The following CA5B variants were observed in gnomAD, a reference collection of about 807,000 sequenced individuals.
CA5B encodes the protein carbonic anhydrase 5B.
CA5B carries 15 observed loss-of-function variants against 23.1 expected under a neutral mutation model. That is an observed-to-expected ratio of 0.65 (90% CI 0.43 to 1.00). The LOEUF (loss-of-function observed/expected upper bound fraction) is 1.00. Among genes scored for constraint, CA5B ranks in the 50% least tolerant of loss-of-function variants. The probability of loss-of-function intolerance (pLI) is 0.00; values close to 1 mark genes in which losing one functional copy is unlikely to be tolerated. For synonymous variants in CA5B, 84 were observed against 98.5 expected, an observed-to-expected ratio of 0.85 and a Z score of 0.87; for missense variants, 236 against 252.2, an observed-to-expected ratio of 0.94 and a Z score of 0.43.
intron 3 of CA5B, chrX:15,766,919 C>T (rs1484039514): frequency 3.0e-6 from 1 of 332,063 alleles, no homozygotes; most frequent in Admixed American, 3.1e-5. Context: ...TAGAGTGTGC[C>T]CCCTTCTCAA....
At chrX:15,755,790 A>C (rs762419442) in intron 2 of CA5B, among the ~76,000 whole-genome samples, 13 of 112,614 alleles carry the variant, frequency 1.2e-4, no homozygotes, top group Non-Finnish European at 1.3e-4. Context: ...TAAAATAAAA[A>C]TATGAGTAAT....
chrX:15,749,946 CCCT>C, intron 1 of CA5B, 22 bp from the exon 2 acceptor site: 2 of 1,106,620 alleles, frequency 1.8e-6, no homozygotes, highest in South Asian at 4.1e-5. Flanking sequence ...TTACAGCTTT[CCCT>C]CCTCTGCCCT....
At position 15,780,277 on chromosome X, in the gene CA5B, A is replaced by AT. The variant is rs34933895; in HGVS notation, c.775-2193dup. On this transcript the variant is annotated intron_variant, in intron 7 of 7. Transcript: ENST00000318636. ...CTTTTCACTCAGTGATGCCTGGAAC[A>AT]TTTTTTTTTTTTTTTAAGACGGTCT... is the stretch of plus-strand genomic sequence containing the variant. 3.1e-4 allele frequency among the ~76,000 whole-genome samples: 31 copies of AT among 100,117 alleles called. 1 individual carries two copies. In the South Asian group the frequency reaches 3.2e-3, roughly 10 times the overall value. 86.9% of individuals were successfully genotyped at this position (100,117 alleles called of 115,157 possible). A position where few individuals can be genotyped will look rare whatever the true frequency, so the allele number is the denominator to read the frequency against.
chrX:15,767,535 G>A lies in CA5B; in HGVS notation c.340+2760G>A, dbSNP rs763007733. On this transcript the variant is annotated intron_variant, in intron 3 of 7. Coordinates refer to ENST00000318636, the MANE Select transcript of CA5B (RefSeq NM_007220.4). ...TCCCACCTCAGCCTCCCGAGTAGCTGGGACCACAGGCATGTGCCACCACGC... is the reference window on the plus strand; with the variant it reads ...TCCCACCTCAGCCTCCCGAGTAGCTAGGACCACAGGCATGTGCCACCACGC... Among the ~76,000 whole-genome samples, 439 of 109,793 alleles carry A rather than the reference G, an allele frequency of 4.0e-3. 4 individuals are homozygous for A. Among genetic ancestry groups the A allele is most frequent in the African/African-American group, 0.014 (426 of 30,063 alleles).
chrX:15,741,413 A>C (rs1011492404), intron 1 of CA5B, among the ~76,000 whole-genome samples: 10 of 103,822 alleles, frequency 9.6e-5, no homozygotes, highest in Admixed American at 3.1e-4. Context: ...ATCCCATTTG[A>C]TTAGAGGTAT....
At chrX:15,752,139 A>G (rs1217997660) in intron 2 of CA5B, among the ~76,000 whole-genome samples, 1 of 111,215 alleles carries the variant, frequency 9.0e-6, no homozygotes, top group Non-Finnish European at 1.9e-5. Flanking sequence ...CACGCAAGAC[A>G]TAAATCAATA....
chrX:15,742,930 A>T (rs1931151767), intron 1 of CA5B, among the ~76,000 whole-genome samples: 1 of 112,288 alleles, frequency 8.9e-6, no homozygotes. Flanking sequence ...CCTACAATGC[A>T]CACAGCATTC....
At chrX:15,765,954 C>T (rs1304279068) in intron 3 of CA5B, among the ~76,000 whole-genome samples, 1 of 109,030 alleles carries the variant, frequency 9.2e-6, no homozygotes, top group Non-Finnish European at 1.9e-5. Context: ...CTTAGGAGTT[C>T]GAGATCACCC....
intron 1 of CA5B, among the ~76,000 whole-genome samples, chrX:15,746,149 G>A (rs1447725895): frequency 1.0e-5 from 1 of 99,567 alleles, no homozygotes; most frequent in Non-Finnish European, 2.0e-5. Flanking sequence ...GGGTTCAAGC[G>A]ATTCTCTTGC....
chrX:15,743,796 CAAATATT>C (rs1011999795), intron 1 of CA5B, among the ~76,000 whole-genome samples: 23 of 111,678 alleles, frequency 2.1e-4, no homozygotes, highest in Non-Finnish European at 1.7e-4. Flanking sequence ...AGTGCATTGA[CAAATATT>C]AATAGCAGAC....
chrX:15,777,924 C>T (rs1931960660), intron 7 of CA5B, among the ~76,000 whole-genome samples: 1 of 111,230 alleles, frequency 9.0e-6, no homozygotes, highest in Non-Finnish European at 1.9e-5. Flanking sequence ...CTGGAAGTAG[C>T]CAGTACAGTT....
In CA5B at chrX:15,784,979, T is replaced by A. The variant is rs1424034275; in HGVS notation, c.*2315T>A. On this transcript the variant is annotated 3_prime_UTR_variant, in exon 8 of 8. Transcript: ENST00000318636. ...TTGCCAATTATTAGGGAAATGCAAATCAAAACCACAATGAGATATCGTCTC... is the reference window on the plus strand; with the variant it reads ...TTGCCAATTATTAGGGAAATGCAAAACAAAACCACAATGAGATATCGTCTC... 1 of 111,727 alleles carries A rather than the reference T, an allele frequency of 9.0e-6. No individual in the cohort carries two copies. The highest frequency in any genetic ancestry group is 1.9e-5 in the Non-Finnish European group (1 of 53,134). 9.2% of individuals were successfully genotyped at this position (111,727 alleles called of 1,213,427 possible). A position where few individuals can be genotyped will look rare whatever the true frequency, so the allele number is the denominator to read the frequency against.
chrX:15,747,827 C>T (rs894364319), intron 1 of CA5B, among the ~76,000 whole-genome samples: 2 of 111,137 alleles, frequency 1.8e-5, no homozygotes, highest in Non-Finnish European at 3.8e-5. Flanking sequence ...CGGTGTCTCA[C>T]ACGGAGAAGA....
chrX:15,755,629 A>G (rs1931473169), intron 2 of CA5B, among the ~76,000 whole-genome samples: 1 of 112,451 alleles, frequency 8.9e-6, no homozygotes, highest in African/African-American at 3.2e-5. Context: ...TATGAGCCGT[A>G]TGGGTCATTC....
At chrX:15,742,681 A>G (rs1165663255) in intron 1 of CA5B, among the ~76,000 whole-genome samples, 1 of 112,790 alleles carries the variant, frequency 8.9e-6, no homozygotes, top group Non-Finnish European at 1.9e-5. Context: ...GCCCAGCCTG[A>G]GTGATCTTTT....
chrX:15,776,263 C>T (rs182341505), intron 6 of CA5B: 2,641 of 99,231 alleles, frequency 0.027, 37 homozygotes, highest in Non-Finnish European at 0.037. Context: ...GGCGTGAACC[C>T]GGGAGGCGGA....
chrX:15,749,334 G>A (rs748865001), intron 1 of CA5B, among the ~76,000 whole-genome samples: 1 of 111,681 alleles, frequency 9.0e-6, no homozygotes, highest in Non-Finnish European at 1.9e-5. Flanking sequence ...CCATGTGAAA[G>A]GTAGAGAGAG....
chrX:15,764,767 A>G lies in CA5B; in HGVS notation c.332A>G (p.Asp111Gly). The change falls in exon 3 of 8, where the codon GAT (aspartate) becomes GGT (glycine). Residue 111 changes from aspartate (D) to glycine (G), a missense_variant. Asp to Gly is a moderately conservative substitution (Grantham distance 94, BLOSUM62 -1). This residue lies in a region of CA5B where 170 missense variants were observed against 162.0 expected (regional missense o/e 1.05). Transcript: ENST00000318636. ...CTCGTGGAATTTGAAGATTCTACAG[A>G]TAAATCAGGTGAGGGCAAGATCTGG... Reference protein sequence around the residue: ...SFLVEFEDSTDKSVIKGGPLE... With the variant: ...SFLVEFEDSTGKSVIKGGPLE... 8.9e-7 allele frequency: 1 copy of G among 1,117,510 alleles called. No homozygotes were observed. The highest frequency in any genetic ancestry group is 1.2e-6 in the Non-Finnish European group (1 of 831,156). The allele number at this position is 1,117,510 out of a possible 1,213,427, so 92.1% of individuals were successfully genotyped here. A position where few individuals can be genotyped will look rare whatever the true frequency, so the allele number is the denominator to read the frequency against.
chrX:15,780,101 C>T (rs1569057587), intron 7 of CA5B, among the ~76,000 whole-genome samples: 2 of 110,877 alleles, frequency 1.8e-5, no homozygotes, highest in Non-Finnish European at 3.8e-5. Context: ...ATCCTAGTTG[C>T]CTATAATTTT....
Sources: gnomAD v4.1 joint callset for allele counts (sites outside exome capture counted in the v4.1 genomes callset) on GRCh38, gnomAD v4.1.1 for gene constraint, gnomAD v4.1.1 regional missense constraint, MANE v1.5 for transcripts, NCBI Gene and HGNC (gene_info 2026-07-23, HGNC 2026-07-21) for gene names.